EPHB1: variants seen among roughly 807,000 people sequenced by gnomAD.
EPHB1 encodes ephrin type-B receptor 1.
Under a neutral mutation model 94.4 loss-of-function variants are expected in EPHB1, and 30 were observed. That is an observed-to-expected ratio of 0.32 (90% CI 0.24 to 0.43). EPHB1 has a LOEUF of 0.43. Among genes scored for constraint, EPHB1 ranks in the 20% least tolerant of loss-of-function variants. The pLI is 1.00. For missense variants in EPHB1, 1,055 were observed against 1,308.3 expected (o/e 0.81, Z 2.99); for synonymous variants, 522 against 489.1 (o/e 1.07, Z -0.89).
In EPHB1 at chr3:135,004,342, G is replaced by C. The variant is rs547391906; in HGVS notation, c.805+52290G>C. On this transcript the variant is annotated intron_variant, in intron 3 of 15. Coordinates refer to ENST00000398015, the MANE Select transcript of EPHB1 (RefSeq NM_004441.5). ...CCGAGAGATCTGCTGTTAGTCTGAT[G>C]GTCTTCCCTTTGAGGGTAACCCGAC... Among the ~76,000 whole-genome samples the C allele has an allele frequency of 2.8e-3, 420 of 151,598 alleles. 2 individuals carry two copies. In the Middle Eastern group the frequency reaches 0.031, roughly 11 times the overall value.
chr3:135,041,468 G>T (rs749874319), intron 3 of EPHB1, among the ~76,000 whole-genome samples: 5 of 152,146 alleles, frequency 3.3e-5, no homozygotes, highest in Non-Finnish European at 5.9e-5. Flanking sequence ...CTTGTGCAAA[G>T]AACCCCATGG....
intron 1 of EPHB1, among the ~76,000 whole-genome samples, chr3:134,881,372 A>G (rs1323262837): frequency 6.6e-6 from 1 of 152,126 alleles, no homozygotes; most frequent in Non-Finnish European, 1.5e-5. Context: ...AGATGGAGGC[A>G]TGGAATTGTC....
intron 1 of EPHB1, among the ~76,000 whole-genome samples, chr3:134,879,591 G>T (rs760006816): frequency 1.3e-5 from 2 of 152,178 alleles, no homozygotes; most frequent in African/African-American, 2.4e-5. Context: ...TGTGGAGGTT[G>T]CAGTGAGCCC....
chr3:134,876,818 G>A (rs568232707), intron 1 of EPHB1, among the ~76,000 whole-genome samples: 1 of 152,236 alleles, frequency 6.6e-6, no homozygotes, highest in East Asian at 1.9e-4. Flanking sequence ...CTAAAGAAAG[G>A]GGCTGTCAAT....
intron 3 of EPHB1, among the ~76,000 whole-genome samples, chr3:134,952,371 T>A (rs4955521): frequency 0.48 from 70,882 of 147,724 alleles, 17,468 homozygotes; most frequent in African/African-American, 0.59. Context: ...TCTCTCTCTC[T>A]CACACACACA....
intron 10 of EPHB1, among the ~76,000 whole-genome samples, chr3:135,188,636 A>T (rs1038829573): frequency 1.3e-5 from 2 of 152,214 alleles, no homozygotes; most frequent in Non-Finnish European, 2.9e-5. Flanking sequence ...ATTATATAAC[A>T]AGGAGAAAGC....
intron 12 of EPHB1, among the ~76,000 whole-genome samples, chr3:135,211,582 G>C (rs528235126): frequency 6.6e-6 from 1 of 151,956 alleles, no homozygotes; most frequent in Non-Finnish European, 1.5e-5. Flanking sequence ...TTTATAGTTT[G>C]GGTTTTCTTT....
chr3:134,882,783 T>TTTCTTTCTTTCTTTCTTTC (rs1560280586), intron 1 of EPHB1, among the ~76,000 whole-genome samples: 10 of 63,848 alleles, frequency 1.6e-4, no homozygotes, highest in African/African-American at 5.0e-4. Context: ...TCTTTCTTTC[T>TTTCTTTCTTTCTTTCTTTC]TTCTTTCTTT....
chr3:134,982,814 G>T (rs1934456429), intron 3 of EPHB1, among the ~76,000 whole-genome samples: 1 of 88,112 alleles, frequency 1.1e-5, no homozygotes, highest in Admixed American at 9.5e-5. Flanking sequence ...GATATTTTCA[G>T]ATTAAAAAAA....
chr3:135,234,061 G>C (rs1943594684), intron 12 of EPHB1, among the ~76,000 whole-genome samples: 1 of 152,118 alleles, frequency 6.6e-6, no homozygotes, highest in African/African-American at 2.4e-5. Context: ...CTCCTTATTA[G>C]TTATGAAAAT....
At chr3:135,178,218 C>CCGG (rs1299819145) in intron 9 of EPHB1, among the ~76,000 whole-genome samples, 2 of 97,530 alleles carry the variant, frequency 2.1e-5, no homozygotes, top group African/African-American at 4.9e-5. Flanking sequence ...CTTTGGGAGG[C>CCGG]CGGGGAGGGG....
chr3:134,988,177 A>G (rs1934669821), intron 3 of EPHB1, among the ~76,000 whole-genome samples: 1 of 152,212 alleles, frequency 6.6e-6, no homozygotes, highest in East Asian at 1.9e-4. Context: ...TGTCTGAGCC[A>G]GTAGCTCTGT....
At chr3:134,796,769 G>A (rs1443201233) in intron 1 of EPHB1, among the ~76,000 whole-genome samples, 3 of 152,272 alleles carry the variant, frequency 2.0e-5, no homozygotes, top group Non-Finnish European at 4.4e-5. Context: ...CCGCAGTCCG[G>A]CTAGCAGCCC....
At chr3:134,886,105 G>A (rs886702465) in intron 1 of EPHB1, among the ~76,000 whole-genome samples, 1 of 152,200 alleles carries the variant, frequency 6.6e-6, no homozygotes, top group African/African-American at 2.4e-5. Flanking sequence ...GAAAGGTGAA[G>A]TGTAAAGAGG....
intron 1 of EPHB1, among the ~76,000 whole-genome samples, chr3:134,825,026 C>A (rs1288643364): frequency 6.6e-6 from 1 of 152,238 alleles, no homozygotes; most frequent in African/African-American, 2.4e-5. Context: ...TAAAACATTA[C>A]TGTCTCAAGC....
chr3:134,855,477 G>A (rs1188484237), intron 1 of EPHB1, among the ~76,000 whole-genome samples: 5 of 152,170 alleles, frequency 3.3e-5, no homozygotes, highest in African/African-American at 9.7e-5. Flanking sequence ...CCTGTAGACA[G>A]AGCCTTGGGG....
intron 1 of EPHB1, among the ~76,000 whole-genome samples, chr3:134,888,337 T>C (rs2037899573): frequency 6.6e-6 from 1 of 152,180 alleles, no homozygotes; most frequent in Admixed American, 6.5e-5. Context: ...GGGATTCCTG[T>C]AGGGCAGCTG....
intron 12 of EPHB1, among the ~76,000 whole-genome samples, chr3:135,223,709 A>G (rs1205484137): frequency 6.6e-6 from 1 of 152,250 alleles, no homozygotes; most frequent in African/African-American, 2.4e-5. Flanking sequence ...AAGAAATGTC[A>G]TTGTTTGGTC....
intron 3 of EPHB1, among the ~76,000 whole-genome samples, chr3:135,040,885 C>T (rs933840041): frequency 2.6e-5 from 4 of 152,184 alleles, no homozygotes; most frequent in Non-Finnish European, 4.4e-5. Flanking sequence ...CTGAATCCTC[C>T]TGATAACAAT....
Sources: allele counts gnomAD v4.1 joint callset (sites outside exome capture counted in the v4.1 genomes callset), GRCh38; gene constraint gnomAD v4.1.1; transcripts MANE v1.5; gene names NCBI Gene and HGNC (gene_info 2026-07-23, HGNC 2026-07-21).